The following GLI3 variants were observed in gnomAD, a reference collection of about 807,000 sequenced individuals.
GLI3 encodes the protein GLI family zinc finger 3.
Under a neutral mutation model 100.8 loss-of-function variants are expected in GLI3, and 20 were observed. The ratio of observed to expected loss-of-function variants is 0.20; its 90% CI spans 0.14 to 0.29. GLI3 has a LOEUF of 0.29. Among genes scored for constraint, GLI3 ranks in the 10% least tolerant of loss-of-function variants. The pLI, the probability that GLI3 is intolerant of heterozygous loss-of-function variation, is 1.00. For missense variants in GLI3, 2,040 were observed against 2,128.5 expected (o/e 0.96, Z 0.82); for synonymous variants, 938 against 860.5 (o/e 1.09, Z -1.58).
At chr7:42,193,372 C>T (rs1787866483) in intron 2 of GLI3, among the ~76,000 whole-genome samples, 1 of 152,128 alleles carries the variant, frequency 6.6e-6, no homozygotes, top group Non-Finnish European at 1.5e-5. Flanking sequence ...GCTGCTCTCC[C>T]TTTCCTCCTG....
intron 2 of GLI3, among the ~76,000 whole-genome samples, chr7:42,195,191 T>C (rs1787906258): frequency 6.6e-6 from 1 of 152,168 alleles, no homozygotes; most frequent in South Asian, 2.1e-4. Context: ...CCCACTAACC[T>C]ATTACATACA....
chr7:42,025,164 C>T lies in GLI3; in HGVS notation c.1356+100G>A, dbSNP rs375603749. 275 of 776,724 alleles carry T rather than the reference C, an allele frequency of 3.5e-4. 1 individual carries two copies. In the East Asian group the frequency reaches 4.8e-3, roughly 14 times the overall value. The allele number at this position is 776,724 out of a possible 1,614,324, so 48.1% of individuals were successfully genotyped here. ...AACAATGCAGTGGACAAGGAACTGC[C>T]GTGAAAAAGACACCAGGTCTGGGGA... On this transcript the variant is annotated intron_variant, in intron 9 of 14. Transcript: ENST00000395925.
intron 2 of GLI3, among the ~76,000 whole-genome samples, chr7:42,156,953 G>A (rs1787018073): frequency 6.6e-6 from 1 of 152,210 alleles, no homozygotes; most frequent in South Asian, 2.1e-4. Flanking sequence ...GAAGATCACG[G>A]AATGAGAAAG....
At chr7:42,175,647 CT>C (rs1345514264) in intron 2 of GLI3, among the ~76,000 whole-genome samples, 1 of 151,746 alleles carries the variant, frequency 6.6e-6, no homozygotes, top group Non-Finnish European at 1.5e-5. Context: ...ACAGTAGTCT[CT>C]CTTACAAAAC....
rs1460915234 is a variant in GLI3 at position 42,025,288 on chromosome 7, G to A, written c.1332C>T (p.Pro444=). The A allele has an allele frequency of 2.0e-5, 32 of 1,613,008 alleles. No homozygotes were observed. The highest frequency in any genetic ancestry group is 2.7e-5 in the Non-Finnish European group (32 of 1,179,128). Residue 444 remains proline (P), a synonymous_variant, in exon 9 of 15, where the codon CCC becomes CCT. Transcript: ENST00000395925. ...CCTGCTGCCCCCGAGCCCCTGGGCT[G>A]GGGAGGTCTTCATCGGGTTTGATCT... ...RSKIKPDEDL[P]SPGARGQQEQ... is the part of the protein sequence containing the mutation.
chr7:42,106,412 C>T (rs905705071), intron 3 of GLI3, among the ~76,000 whole-genome samples: 7 of 152,194 alleles, frequency 4.6e-5, no homozygotes, highest in African/African-American at 1.7e-4. Context: ...GTCCCTCCAG[C>T]TGCAATAGGA....
intron 10 of GLI3, among the ~76,000 whole-genome samples, chr7:42,016,766 C>A (rs1788776773): frequency 6.6e-6 from 1 of 152,180 alleles, no homozygotes; most frequent in African/African-American, 2.4e-5. Context: ...AGTTTACCTG[C>A]ATGATTTACT....
At chr7:42,060,938 A>G (rs1207075455) in intron 4 of GLI3, among the ~76,000 whole-genome samples, 1 of 152,224 alleles carries the variant, frequency 6.6e-6, no homozygotes, top group Non-Finnish European at 1.5e-5. Flanking sequence ...AAATGACTCT[A>G]ACATACATAC....
intron 1 of GLI3, among the ~76,000 whole-genome samples, chr7:42,262,156 C>CT (rs935169018): frequency 6.7e-6 from 1 of 148,466 alleles, no homozygotes; most frequent in African/African-American, 2.5e-5. Context: ...CTCCTAGGCT[C>CT]TTTTTTTTCA....
At chr7:42,244,042 C>G (rs553503119) in intron 1 of GLI3, among the ~76,000 whole-genome samples, 13 of 152,168 alleles carry the variant, frequency 8.5e-5, no homozygotes, top group Non-Finnish European at 2.9e-5. Context: ...CCATGTTGGC[C>G]AGGCTGGTCT....
intron 3 of GLI3, among the ~76,000 whole-genome samples, chr7:42,137,739 G>A (rs1423369808): frequency 6.6e-6 from 1 of 152,128 alleles, no homozygotes; most frequent in Admixed American, 6.5e-5. Flanking sequence ...TGATGCCACA[G>A]GTGAAAAATT....
At position 41,972,212 on chromosome 7, in the gene GLI3, A is replaced by T; in HGVS notation, c.2103+125T>A. The T allele has an allele frequency of 2.2e-6, 2 of 903,008 alleles. No individual in the cohort carries two copies. Among genetic ancestry groups the T allele is most frequent in the Non-Finnish European group, 3.7e-6 (2 of 538,142 alleles). The allele number at this position is 903,008 out of a possible 1,614,324, so 55.9% of individuals were successfully genotyped here. ...GTAAGCAATACGGGTCACTGCCCTC[A>T]TCGCCTCCTCAGATCAGAGACAGCC... On this transcript the variant is annotated intron_variant, in intron 13 of 14. Transcript: ENST00000395925. This position sits in a 1 kb window ranked among gnomAD's most constrained non-coding sequence, Gnocchi z 4.4.
chr7:42,254,238 T>C (rs1288620234), intron 1 of GLI3, among the ~76,000 whole-genome samples: 1 of 66,314 alleles, frequency 1.5e-5, no homozygotes, highest in South Asian at 4.9e-4. Context: ...AAAAAGCCAA[T>C]GGAATAGAGG....
upstream of GLI3, among the ~76,000 whole-genome samples, chr7:42,242,381 C>A (rs116669779): frequency 1.4e-3 from 208 of 152,268 alleles, no homozygotes; most frequent in African/African-American, 4.4e-3. Flanking sequence ...CTACCTTTGC[C>A]CTAAACAATC....
rs3779181 is a variant in GLI3, at chr7:42,199,787, G to A, written c.124+23343C>T. Among the ~76,000 whole-genome samples, 24 of 152,242 alleles carry A rather than the reference G, an allele frequency of 1.6e-4. No homozygotes were observed. The East Asian group carries it at 4.1e-3, about 26-fold the overall frequency. ...AGACCTATACCTGGCCAGGTGTGGT[G>A]GCTCACACCTGTAATCCCAGCACTT... is the stretch of plus-strand genomic sequence containing the variant. On this transcript the variant is annotated intron_variant, in intron 2 of 14. Transcript: ENST00000395925.
intron 3 of GLI3, among the ~76,000 whole-genome samples, chr7:42,139,145 G>A (rs1250752119): frequency 6.6e-6 from 1 of 151,796 alleles, no homozygotes; most frequent in Non-Finnish European, 1.5e-5. Flanking sequence ...GAGCATTTGG[G>A]AGTTTTCCAA....
intron 2 of GLI3, among the ~76,000 whole-genome samples, chr7:42,183,660 C>G (rs1389383257): frequency 6.6e-6 from 1 of 152,188 alleles, no homozygotes; most frequent in Non-Finnish European, 1.5e-5. Flanking sequence ...AAATAAAGAA[C>G]AAGTAAGATG....
In GLI3 at chr7:41,961,782, A is replaced by G. The variant is rs540611408; in HGVS notation, c.*2548T>C. 6.6e-6 allele frequency: 1 copy of G among 152,304 alleles called. No homozygotes were observed. Among genetic ancestry groups the G allele is most frequent in the East Asian group, 1.9e-4 (1 of 5,166 alleles). 9.4% of individuals were successfully genotyped at this position (152,304 alleles called of 1,614,324 possible). A position where few individuals can be genotyped will look rare whatever the true frequency, so the allele number is the denominator to read the frequency against. Reference sequence around the variant, plus strand: ...AGGATGTCCCAAAAAGATGCTTCTAAGTGACCTCAAAAGACCTTCCTTCCA... The same window carrying G: ...AGGATGTCCCAAAAAGATGCTTCTAGGTGACCTCAAAAGACCTTCCTTCCA... On this transcript the variant is annotated 3_prime_UTR_variant, in exon 15 of 15. Coordinates refer to ENST00000395925, the MANE Select transcript of GLI3 (RefSeq NM_000168.6).
chr7:42,173,093 T>G (rs1787409421), intron 2 of GLI3, among the ~76,000 whole-genome samples: 1 of 152,178 alleles, frequency 6.6e-6, no homozygotes, highest in Non-Finnish European at 1.5e-5. Context: ...GACGGGTATA[T>G]TTTTATGTTG....
Sources: allele counts gnomAD v4.1 joint callset (sites outside exome capture counted in the v4.1 genomes callset), GRCh38; gene constraint gnomAD v4.1.1; non-coding constraint Gnocchi (gnomAD v3.1); transcripts MANE v1.5; gene names NCBI Gene and HGNC (gene_info 2026-07-23, HGNC 2026-07-21).